The following EIF4ENIF1 variants were observed in gnomAD, a reference collection of about 807,000 sequenced individuals.
The protein encoded by EIF4ENIF1 is eukaryotic translation initiation factor 4E nuclear import factor 1, also known as eukaryotic translation initiation factor 4E transporter.
EIF4ENIF1 carries 23 observed loss-of-function variants against 110.5 expected under a neutral mutation model. The observed-to-expected ratio is 0.21, with a 90% CI of 0.15 to 0.29. EIF4ENIF1 has a LOEUF of 0.29. EIF4ENIF1 is among the 10% of genes least tolerant of loss of function. The pLI is 1.00. For missense variants in EIF4ENIF1, 1,031 were observed against 1,221.1 expected, an observed-to-expected ratio of 0.84 and a Z score of 2.32; for synonymous variants, 440 against 437.0, an observed-to-expected ratio of 1.01 and a Z score of -0.09.
At position 31,449,338 on chromosome 22, in the gene EIF4ENIF1, G is replaced by A. The variant is rs1354037985; in HGVS notation, c.1768+10C>T. The A allele has an allele frequency of 1.2e-6, 2 of 1,612,206 alleles. No homozygotes were observed. Among genetic ancestry groups the A allele is most frequent in the Admixed American group, 1.7e-5 (1 of 59,632 alleles). ...AATTCATATTTCTTTTGACAAATAA[G>A]TATATTTACCAATTGGTGATGGTAT... On this transcript the variant is annotated intron_variant, in intron 12 of 18. Coordinates refer to ENST00000330125, the MANE Select transcript of EIF4ENIF1 (RefSeq NM_019843.4).
Position 31,441,983 on chromosome 22 carries a change from T to C in EIF4ENIF1, c.2342A>G (p.Gln781Arg). The stretch of plus-strand genomic sequence containing the variant: ...CCCAGTTGCTTTAGGTCGATAATCT[T>C]GTTCTTTGGTGTAACGGTTGGCCTG... ...LSQANRYTKE[Q>R]DYRPKATGRK... The change falls in exon 17 of 19, where the codon CAA (glutamine) becomes CGA (arginine). Residue 781 changes from glutamine (Q) to arginine (R), a missense_variant. Coordinates refer to ENST00000330125, the MANE Select transcript of EIF4ENIF1 (RefSeq NM_019843.4). The C allele has an allele frequency of 6.2e-7, 1 of 1,614,182 alleles. No individual in the cohort carries two copies. Among genetic ancestry groups the C allele is most frequent in the South Asian group, 1.1e-5 (1 of 91,090 alleles).
chr22:31,454,006 C>T, intron 10 of EIF4ENIF1, 138 bp downstream of exon 10: 1 of 724,632 alleles, frequency 1.4e-6, no homozygotes, highest in Non-Finnish European at 2.3e-6. Flanking sequence ...AAGGAACACA[C>T]AAAAGCATCA....
At chr22:31,459,436 A>T (rs2050924983) in intron 6 of EIF4ENIF1, among the ~76,000 whole-genome samples, 1 of 152,174 alleles carries the variant, frequency 6.6e-6, no homozygotes, top group South Asian at 2.1e-4. Flanking sequence ...TGGTTGTTGT[A>T]GCTCATCCTT....
At position 31,488,619 on chromosome 22, in the gene EIF4ENIF1, T is replaced by C. The variant is rs2146124274; in HGVS notation, c.96+4A>G. 1 of 1,614,152 alleles carries C rather than the reference T, an allele frequency of 6.2e-7. No homozygotes were observed. Among genetic ancestry groups the C allele is most frequent in the South Asian group, 1.1e-5 (1 of 91,080 alleles). ...AACACTATTTCATTAGTGGCAAACC[T>C]TACTTTTGTATAGCGATGGGGGCAT... On this transcript the variant is annotated splice_donor_region_variant and intron_variant, in intron 2 of 18. Coordinates refer to ENST00000330125, the MANE Select transcript of EIF4ENIF1 (RefSeq NM_019843.4).
At chr22:31,461,512 G>A (rs545467105) in intron 6 of EIF4ENIF1, among the ~76,000 whole-genome samples, 51 of 152,164 alleles carry the variant, frequency 3.4e-4, no homozygotes, top group African/African-American at 1.2e-3. Flanking sequence ...CAATCTCGCT[G>A]CAACCTGTCT....
At chr22:31,492,723 AATTTTT>A (rs566849155), upstream of EIF4ENIF1, among the ~76,000 whole-genome samples, 4 of 152,076 alleles carry the variant, frequency 2.6e-5, no homozygotes, top group South Asian at 4.1e-4. Flanking sequence ...TTGGCAGGAT[AATTTTT>A]ATTTTTATTT....
intron 5 of EIF4ENIF1, 30 bp downstream of exon 5, chr22:31,463,651 T>TAA (rs71319194): frequency 0.014 from 17,924 of 1,319,892 alleles, 6 homozygotes; most frequent in Middle Eastern, 0.015. Flanking sequence ...CGTCTCAATT[T>TAA]AAAAAAAAAA....
At chr22:31,453,376 CTTTTTTT>C in intron 10 of EIF4ENIF1, 4 of 322,446 alleles carry the variant, frequency 1.2e-5, no homozygotes, top group East Asian at 9.2e-5. Flanking sequence ...ACCCATCTTA[CTTTTTTT>C]TTTTTTTTTT....
At chr22:31,456,106 AAT>A in intron 7 of EIF4ENIF1, 119 bp from the exon 8 acceptor site, 2 of 1,016,178 alleles carry the variant, frequency 2.0e-6, no homozygotes, top group Non-Finnish European at 2.8e-6. Context: ...CCTGAAGATA[AAT>A]ACTCTCAGAA....
At chr22:31,459,442 T>C (rs755125286) in intron 6 of EIF4ENIF1, among the ~76,000 whole-genome samples, 2 of 152,218 alleles carry the variant, frequency 1.3e-5, no homozygotes, top group African/African-American at 4.8e-5. Flanking sequence ...TTGTAGCTCA[T>C]CCTTCAAGGC....
chr22:31,468,224 C>A lies in EIF4ENIF1; in HGVS notation c.249G>T (p.Leu83=), dbSNP rs747458134. 1.2e-6 allele frequency: 2 copies of A among 1,614,186 alleles called. No individual in the cohort carries two copies. Among genetic ancestry groups the A allele is most frequent in the South Asian group, 2.2e-5 (2 of 91,086 alleles). ...GCCGGTCTGTATCCAACTCTTTCTT[C>A]AGACTTTCCACTGGTGAGCTCCGCC... ...ASGRSSPVES[L]KKELDTDRPS... The change falls in exon 4 of 19, where the codon CTG becomes CTT. Residue 83 remains leucine, a synonymous_variant. Transcript: ENST00000330125.
intron 2 of EIF4ENIF1, among the ~76,000 whole-genome samples, chr22:31,482,967 T>C (rs971925464): frequency 2.6e-5 from 4 of 151,534 alleles, no homozygotes; most frequent in African/African-American, 4.8e-5. Context: ...GAGGTTGCAG[T>C]GAGCCGACAT....
At chr22:31,486,272 A>C (rs1292145976) in intron 2 of EIF4ENIF1, among the ~76,000 whole-genome samples, 1 of 17,980 alleles carries the variant, frequency 5.6e-5, no homozygotes, top group Non-Finnish European at 1.1e-4. Context: ...CTCCGTCTCA[A>C]AAAAAAAAAA....
Position 31,463,732 on chromosome 22 carries a change from C to A in EIF4ENIF1, c.534G>T (p.Arg178=). ...KDHRLSDKDL[R]DLRDRDRERD... is the part of the protein sequence containing the mutation. ...TCTCTCGGTCTCTGTCTCTCAAGTC[C>A]CGCAGGTCCTTATCGCTAAGACGGT... Residue 178 remains arginine, a synonymous_variant, in exon 5 of 19, where the codon CGG becomes CGT. Transcript: ENST00000330125. 6.2e-7 allele frequency: 1 copy of A among 1,613,930 alleles called. No homozygotes were observed. Among genetic ancestry groups the A allele is most frequent in the Non-Finnish European group, 8.5e-7 (1 of 1,179,992 alleles).
chr22:31,487,780 G>A (rs1052161349), intron 2 of EIF4ENIF1, among the ~76,000 whole-genome samples: 1 of 132,808 alleles, frequency 7.5e-6, no homozygotes, highest in Non-Finnish European at 1.6e-5. Flanking sequence ...ACAAAGTGAC[G>A]CCCTGTCGGG....
At position 31,487,793 on chromosome 22, in the gene EIF4ENIF1, C is replaced by CAA. The variant is rs35367724; in HGVS notation, c.96+828_96+829dup. On this transcript the variant is annotated intron_variant, in intron 2 of 18. Transcript: ENST00000330125. ...CGACAAAGTGACGCCCTGTCGGGTG[C>CAA]AAAAAAAAAAAAAAAAAAAAGAAAA... Among the ~76,000 whole-genome samples, 552 of 68,978 alleles carry CAA rather than the reference C, an allele frequency of 8.0e-3. 3 individuals are homozygous for CAA. Among genetic ancestry groups the CAA allele is most frequent in the African/African-American group, 0.025 (472 of 18,900 alleles). 45.3% of individuals were successfully genotyped at this position (68,978 alleles called of 152,430 possible).
Position 31,441,885 on chromosome 22 carries a change from C to G in EIF4ENIF1, c.2440G>C (p.Val814Leu). Reference sequence around the variant, plus strand: ...GGCCTAACCATAGGGACATGGGGGACAAGGGGAACTTGGTGGACAGGGCGG... The same window carrying G: ...GGCCTAACCATAGGGACATGGGGGAGAAGGGGAACTTGGTGGACAGGGCGG... ...FLRPVHQVPL[V>L]PHVPMVRPAH... is the part of the protein sequence containing the mutation. The change falls in exon 17 of 19, where the codon GTC becomes CTC. Residue 814 changes from valine to leucine, a missense_variant. This residue lies in a region of EIF4ENIF1 where 309 missense variants were observed against 299.1 expected (regional missense o/e 1.03). Coordinates refer to ENST00000330125, the MANE Select transcript of EIF4ENIF1 (RefSeq NM_019843.4). 6.2e-7 allele frequency: 1 copy of G among 1,614,094 alleles called. No homozygotes were observed. The highest frequency in any genetic ancestry group is 1.3e-5 in the African/African-American group (1 of 75,008).
downstream of EIF4ENIF1, chr22:31,437,055 A>G (rs2050181492): frequency 2.6e-5 from 4 of 152,194 alleles, no homozygotes; most frequent in Admixed American, 2.0e-4. Flanking sequence ...TCTGGCTTAA[A>G]AGACACTCAG....
intron 2 of EIF4ENIF1, among the ~76,000 whole-genome samples, chr22:31,472,739 T>C (rs1362034715): frequency 1.3e-5 from 2 of 152,206 alleles, no homozygotes; most frequent in African/African-American, 4.8e-5. Flanking sequence ...TGATATTTTG[T>C]TACATGTATA....
Sources: allele counts gnomAD v4.1 joint callset (sites outside exome capture counted in the v4.1 genomes callset), GRCh38; gene constraint gnomAD v4.1.1; regional missense constraint gnomAD v4.1.1; transcripts MANE v1.5; gene names NCBI Gene and HGNC (gene_info 2026-07-23, HGNC 2026-07-21).